Variants in ZMYM4 observed in about 807,000 individuals in gnomAD.
ZMYM4 encodes zinc finger MYM-type protein 4.
A neutral mutation model predicts 183.2 loss-of-function variants in ZMYM4; 31 were observed. The ratio of observed to expected loss-of-function variants is 0.17; its 90% CI spans 0.13 to 0.23. The LOEUF (loss-of-function observed/expected upper bound fraction) is 0.23, where lower values mean the gene tolerates loss of function less well. Ranked by LOEUF, ZMYM4 falls within the 10% of genes least tolerant of loss-of-function variation. ZMYM4 has a pLI of 1.00. For synonymous variants in ZMYM4, 592 were observed against 631.2 expected (o/e 0.94, Z 0.93); for missense variants, 1,273 against 1,840.3 (o/e 0.69, Z 5.64).
At chr1:35,297,125 C>T (rs1373731176) in intron 1 of ZMYM4, among the ~76,000 whole-genome samples, 1 of 152,006 alleles carries the variant, frequency 6.6e-6, no homozygotes, top group Non-Finnish European at 1.5e-5. Flanking sequence ...GCTGGGATTA[C>T]AAGCGTGAGG....
chr1:35,361,358 A>ATTTTTTTT (rs370667098), intron 4 of ZMYM4, 103 bp downstream of exon 4: 1 of 799,666 alleles, frequency 1.3e-6, no homozygotes, highest in Admixed American at 4.0e-5. Flanking sequence ...TAGAGCACTG[A>ATTTTTTTT]TTTTTTTTTT....
intron 7 of ZMYM4, among the ~76,000 whole-genome samples, chr1:35,376,569 G>A (rs541671300): frequency 6.6e-6 from 1 of 152,202 alleles, no homozygotes; most frequent in East Asian, 1.9e-4. Flanking sequence ...TTGTTGCCAG[G>A]CTGGAATGCA....
chr1:35,382,181 TACACACAC>T (rs59402643), intron 9 of ZMYM4, among the ~76,000 whole-genome samples: 252 of 133,536 alleles, frequency 1.9e-3, no homozygotes, highest in Middle Eastern at 0.017. Context: ...TATACACACA[TACACACAC>T]ACACACACAC....
At chr1:35,306,972 T>C (rs949977933) in intron 1 of ZMYM4, among the ~76,000 whole-genome samples, 1 of 152,224 alleles carries the variant, frequency 6.6e-6, no homozygotes, top group Non-Finnish European at 1.5e-5. Context: ...TGCTTCATTT[T>C]CAGATCTGTT....
At chr1:35,394,162 CTTTTTTTTTTTTTTTTTTTT>C (rs34277367) in intron 18 of ZMYM4, among the ~76,000 whole-genome samples, 1 of 68,394 alleles carries the variant, frequency 1.5e-5, no homozygotes, top group South Asian at 5.9e-4. Flanking sequence ...TCAGAGCTTT[CTTTTTTTTTTTTTTTTTTTT>C]TTTTTTTTTT....
chr1:35,346,660 A>G (rs967169945), intron 2 of ZMYM4, among the ~76,000 whole-genome samples: 1 of 150,976 alleles, frequency 6.6e-6, no homozygotes, highest in East Asian at 1.9e-4. Flanking sequence ...CAAAAAAAAA[A>G]AAAAAAAAAA....
At chr1:35,356,845 A>G (rs1046443955) in intron 2 of ZMYM4, among the ~76,000 whole-genome samples, 2 of 152,162 alleles carry the variant, frequency 1.3e-5, no homozygotes, top group Non-Finnish European at 2.9e-5. Context: ...GGTAATTCTG[A>G]TGTCATTATG....
intron 1 of ZMYM4, among the ~76,000 whole-genome samples, chr1:35,273,185 G>A (rs573757080): frequency 2.6e-5 from 4 of 152,062 alleles, no homozygotes; most frequent in Non-Finnish European, 4.4e-5. Flanking sequence ...GTGGATCAGC[G>A]CTATATTCAT....
intron 2 of ZMYM4, among the ~76,000 whole-genome samples, chr1:35,327,025 A>G (rs1450966613): frequency 1.3e-5 from 2 of 151,970 alleles, no homozygotes; most frequent in African/African-American, 4.8e-5. Flanking sequence ...ACTCCTAGCT[A>G]ATTTTTTATA....
In ZMYM4 at chr1:35,277,645, T is replaced by C. The variant is rs1037929297; in HGVS notation, c.39+8560T>C. Among the ~76,000 whole-genome samples, 3 of 152,192 alleles carry C rather than the reference T, an allele frequency of 2.0e-5. 1 individual carries two copies. Among genetic ancestry groups the C allele is most frequent in the Non-Finnish European group, 4.4e-5 (3 of 68,020 alleles). ...TTATTTCATTAGAAGAGTGATTTTT[T>C]TTGGTCATTTCTTTTGTATTTATTA... On this transcript the variant is annotated intron_variant, in intron 1 of 29. Transcript: ENST00000314607.
At chr1:35,380,742 A>G (rs1309240155) in intron 7 of ZMYM4, among the ~76,000 whole-genome samples, 1 of 152,130 alleles carries the variant, frequency 6.6e-6, no homozygotes, top group Admixed American at 6.6e-5. Flanking sequence ...TAGGGTTTTA[A>G]TCTTCAATGC....
chr1:35,356,779 A>G (rs1047883499), intron 2 of ZMYM4, among the ~76,000 whole-genome samples: 5 of 152,128 alleles, frequency 3.3e-5, no homozygotes, highest in Admixed American at 3.3e-4. Flanking sequence ...AGCAGTGGGG[A>G]GCTATTGAAG....
intron 2 of ZMYM4, among the ~76,000 whole-genome samples, chr1:35,327,909 G>A (rs758461343): frequency 1.3e-5 from 2 of 152,116 alleles, no homozygotes; most frequent in Non-Finnish European, 2.9e-5. Flanking sequence ...AATTATCTGT[G>A]GTCAGGGAAA....
intron 26 of ZMYM4, among the ~76,000 whole-genome samples, chr1:35,410,890 A>G (rs763098592): frequency 3.3e-5 from 5 of 151,928 alleles, no homozygotes; most frequent in Admixed American, 2.0e-4. Context: ...TGTTATATCT[A>G]GGAATCTACT....
At chr1:35,303,108 A>G (rs79331295) in intron 1 of ZMYM4, among the ~76,000 whole-genome samples, 1 of 151,240 alleles carries the variant, frequency 6.6e-6, no homozygotes, top group Non-Finnish European at 1.5e-5. Flanking sequence ...AAAAAAAAAA[A>G]CAAAAAAACC....
At chr1:35,385,662 G>T (rs1424856327) in intron 10 of ZMYM4, 70 bp downstream of exon 10, 4 of 1,474,276 alleles carry the variant, frequency 2.7e-6, no homozygotes, top group Non-Finnish European at 3.6e-6. Flanking sequence ...GTTTTTAACG[G>T]TTTTTTTTGG....
intron 28 of ZMYM4, among the ~76,000 whole-genome samples, chr1:35,417,855 C>CA (rs961722516): frequency 4.0e-5 from 6 of 151,830 alleles, no homozygotes; most frequent in African/African-American, 1.5e-4. Context: ...ACTAAAAATA[C>CA]AAAAAAATTA....
intron 2 of ZMYM4, among the ~76,000 whole-genome samples, chr1:35,355,978 A>T (rs1643806256): frequency 6.6e-6 from 1 of 152,182 alleles, no homozygotes. Context: ...CTGTAATCCC[A>T]GCAGTTTGGC....
At chr1:35,388,613 G>T (rs1375496260) in intron 13 of ZMYM4, among the ~76,000 whole-genome samples, 1 of 152,150 alleles carries the variant, frequency 6.6e-6, no homozygotes, top group Admixed American at 6.6e-5. Context: ...ACAAAAACTA[G>T]TATAGATACT....
Sources: gnomAD v4.1 joint callset for allele counts (sites outside exome capture counted in the v4.1 genomes callset) on GRCh38, gnomAD v4.1.1 for gene constraint, MANE v1.5 for transcripts, NCBI Gene and HGNC (gene_info 2026-07-23, HGNC 2026-07-21) for gene names.